Variants in METTL24 observed in about 807,000 individuals in gnomAD.
The protein encoded by METTL24 is methyltransferase like 24, also known as probable methyltransferase-like protein 24.
A neutral mutation model predicts 32.7 loss-of-function variants in METTL24; 29 were observed. That is an observed-to-expected ratio of 0.89 (90% CI 0.66 to 1.21). The LOEUF (loss-of-function observed/expected upper bound fraction) is 1.21. METTL24 is among the 50% of genes most tolerant of loss of function. METTL24 has a pLI of 0.00. For missense variants in METTL24, 439 were observed against 468.1 expected (o/e 0.94, Z 0.57); for synonymous variants, 163 against 179.5 (o/e 0.91, Z 0.73).
At chr6:110,262,871 CAT>C (rs1157429215) in intron 4 of METTL24, among the ~76,000 whole-genome samples, 1 of 152,158 alleles carries the variant, frequency 6.6e-6, no homozygotes, top group African/African-American at 2.4e-5. Flanking sequence ...ACAAAAACCA[CAT>C]GATTATCTCA....
At chr6:110,322,899 T>C (rs776927218) in intron 1 of METTL24, 27 bp from the exon 2 acceptor site, 74 of 1,453,680 alleles carry the variant, frequency 5.1e-5, no homozygotes, top group Non-Finnish European at 6.4e-5. Context: ...ACATAGGTTG[T>C]GTGTAAGGAA....
At chr6:110,300,002 A>G (rs1771491540) in intron 3 of METTL24, among the ~76,000 whole-genome samples, 1 of 152,174 alleles carries the variant, frequency 6.6e-6, no homozygotes, top group Non-Finnish European at 1.5e-5. Flanking sequence ...CAGAGTAGCT[A>G]CACTACTTGG....
At chr6:110,284,494 AACAG>A (rs1388200315) in intron 4 of METTL24, among the ~76,000 whole-genome samples, 2 of 152,176 alleles carry the variant, frequency 1.3e-5, no homozygotes, top group African/African-American at 2.4e-5. Context: ...TGAATAGATG[AACAG>A]ACAGACAGAT....
rs118142492 is a variant in METTL24, at chr6:110,357,688, G to A, written c.318+267C>T. 236 of 181,024 alleles carry A rather than the reference G, an allele frequency of 1.3e-3. 5 individuals are homozygous for A. In the East Asian group the frequency reaches 0.023, roughly 18 times the overall value. 11.2% of individuals were successfully genotyped at this position (181,024 alleles called of 1,614,324 possible). A position where few individuals can be genotyped will look rare whatever the true frequency, so the allele number is the denominator to read the frequency against. ...GGCTCCGTCCTTCTTCACGGGATGC[G>A]CGGAGCCTAGAAGGGCGCCCGGCCA... On this transcript the variant is annotated intron_variant, in intron 1 of 4. Coordinates refer to ENST00000338882, the MANE Select transcript of METTL24 (RefSeq NM_001123364.3).
chr6:110,292,378 G>T (rs1771335315), intron 4 of METTL24, among the ~76,000 whole-genome samples: 1 of 152,096 alleles, frequency 6.6e-6, no homozygotes, highest in Non-Finnish European at 1.5e-5. Flanking sequence ...TGAAAACATT[G>T]TATCTAACTA....
chr6:110,266,992 G>T (rs1770867995), intron 4 of METTL24, among the ~76,000 whole-genome samples: 1 of 151,920 alleles, frequency 6.6e-6, no homozygotes, highest in African/African-American at 2.4e-5. Context: ...TATAATTGGG[G>T]CAGATCCAGA....
chr6:110,354,383 A>G (rs999479586), intron 1 of METTL24, among the ~76,000 whole-genome samples: 1 of 152,234 alleles, frequency 6.6e-6, no homozygotes, highest in African/African-American at 2.4e-5. Flanking sequence ...AAGCAGAGTA[A>G]CAAGAAATAC....
intron 4 of METTL24, among the ~76,000 whole-genome samples, chr6:110,297,232 C>T (rs193084103): frequency 1.3e-5 from 2 of 152,296 alleles, no homozygotes; most frequent in East Asian, 3.9e-4. Flanking sequence ...CAAAAGGTCT[C>T]ATGCTTTATC....
intron 1 of METTL24, among the ~76,000 whole-genome samples, chr6:110,349,695 C>A (rs973623163): frequency 6.6e-6 from 1 of 152,140 alleles, no homozygotes; most frequent in East Asian, 1.9e-4. Context: ...TCACTTGGGC[C>A]CCGATCACCA....
chr6:110,260,877 G>A (rs939794269), intron 4 of METTL24, among the ~76,000 whole-genome samples: 1 of 152,172 alleles, frequency 6.6e-6, no homozygotes, highest in Non-Finnish European at 1.5e-5. Flanking sequence ...AGCTTCATAA[G>A]TGAAGGAGAA....
chr6:110,337,609 AAGATC>A (rs1213205413), intron 1 of METTL24, among the ~76,000 whole-genome samples: 5 of 152,166 alleles, frequency 3.3e-5, no homozygotes, highest in African/African-American at 1.2e-4. Context: ...AGTCAGTGTC[AAGATC>A]AGATTCAGGG....
chr6:110,302,298 G>A (rs1771529693), intron 3 of METTL24, among the ~76,000 whole-genome samples: 1 of 151,300 alleles, frequency 6.6e-6, no homozygotes, highest in Non-Finnish European at 1.5e-5. Context: ...AGAACATTAT[G>A]TCAAAAAAAG....
chr6:110,309,158 G>A (rs1368266992), intron 3 of METTL24, among the ~76,000 whole-genome samples: 1 of 152,130 alleles, frequency 6.6e-6, no homozygotes, highest in Non-Finnish European at 1.5e-5. Context: ...CAAATAAAAT[G>A]AACTCAGAGC....
At chr6:110,333,394 G>GT (rs1562240176) in intron 1 of METTL24, among the ~76,000 whole-genome samples, 1 of 152,006 alleles carries the variant, frequency 6.6e-6, no homozygotes, top group African/African-American at 2.4e-5. Flanking sequence ...TTTGTAAACC[G>GT]TGTTTTTATT....
intron 4 of METTL24, among the ~76,000 whole-genome samples, chr6:110,263,132 G>A (rs1330523423): frequency 6.6e-6 from 1 of 152,108 alleles, no homozygotes; most frequent in African/African-American, 2.4e-5. Context: ...CAATCAGGCA[G>A]GAGAAGGAAA....
At chr6:110,327,375 C>T (rs913468579) in intron 1 of METTL24, among the ~76,000 whole-genome samples, 5 of 152,174 alleles carry the variant, frequency 3.3e-5, no homozygotes, top group Admixed American at 2.0e-4. Context: ...TCTTAAGGGT[C>T]CACAAATAGT....
chr6:110,272,487 T>C (rs894435059), intron 4 of METTL24, among the ~76,000 whole-genome samples: 1 of 152,212 alleles, frequency 6.6e-6, no homozygotes, highest in African/African-American at 2.4e-5. Context: ...AGATACCCAG[T>C]AGTGGGATTG....
chr6:110,288,709 T>A (rs917501273), intron 4 of METTL24, among the ~76,000 whole-genome samples: 5 of 151,772 alleles, frequency 3.3e-5, no homozygotes, highest in Admixed American at 2.0e-4. Flanking sequence ...AAGATGAACA[T>A]CTCCATGAAT....
intron 1 of METTL24, among the ~76,000 whole-genome samples, chr6:110,338,561 GT>G (rs1484005415): frequency 1.3e-5 from 2 of 152,172 alleles, no homozygotes. Context: ...ATTCAGCTTT[GT>G]TCAAATTAAA....
Sources: gnomAD v4.1 joint callset for allele counts (sites outside exome capture counted in the v4.1 genomes callset) on GRCh38, gnomAD v4.1.1 for gene constraint, MANE v1.5 for transcripts, NCBI Gene and HGNC (gene_info 2026-07-23, HGNC 2026-07-21) for gene names.